CTNNAL1: variants seen among roughly 807,000 people sequenced by gnomAD.
CTNNAL1 encodes alpha-catulin.
A neutral mutation model predicts 93.6 loss-of-function variants in CTNNAL1; 69 were observed. The observed-to-expected ratio is 0.74, with a 90% CI of 0.61 to 0.90. The LOEUF (loss-of-function observed/expected upper bound fraction) is 0.90, where lower values mean the gene tolerates loss of function less well. CTNNAL1 is among the 40% of genes least tolerant of loss of function. The pLI, the probability that CTNNAL1 is intolerant of heterozygous loss-of-function variation, is 0.00. For missense variants in CTNNAL1, 836 were observed against 862.0 expected (o/e 0.97, Z 0.38); for synonymous variants, 286 against 305.4 (o/e 0.94, Z 0.66).
intron 8 of CTNNAL1, among the ~76,000 whole-genome samples, chr9:108,975,469 C>T (rs1166328935): frequency 1.3e-5 from 2 of 152,114 alleles, no homozygotes; most frequent in Non-Finnish European, 2.9e-5. Flanking sequence ...CCTTCTGCCT[C>T]TCAACTTTCT....
chr9:108,960,446 C>A (rs2132110562), intron 11 of CTNNAL1, among the ~76,000 whole-genome samples: 1 of 152,220 alleles, frequency 6.6e-6, no homozygotes, highest in East Asian at 1.9e-4. Flanking sequence ...TCTTCCTGTA[C>A]CCCCATTTTT....
chr9:108,962,248 T>A (rs1040407096), intron 11 of CTNNAL1, among the ~76,000 whole-genome samples: 6 of 152,194 alleles, frequency 3.9e-5, no homozygotes, highest in Admixed American at 1.3e-4. Context: ...TGGAACCCAG[T>A]ACATTCTCAA....
intron 15 of CTNNAL1, 75 bp from the exon 16 acceptor site, chr9:108,944,093 A>C: frequency 7.4e-7 from 1 of 1,347,810 alleles, no homozygotes; most frequent in South Asian, 1.3e-5. Flanking sequence ...CTTACTAATA[A>C]TTTTTACGTA....
At chr9:108,952,758 T>A (rs545744773) in intron 12 of CTNNAL1, among the ~76,000 whole-genome samples, 30 of 152,312 alleles carry the variant, frequency 2.0e-4, no homozygotes, top group African/African-American at 7.0e-4. Context: ...ACAGCTGCTC[T>A]CCTCTTTTCA....
intron 7 of CTNNAL1, chr9:108,977,360 ATC>A (rs28361140): frequency 0.22 from 36,336 of 167,804 alleles, 4,748 homozygotes; most frequent in East Asian, 0.29. Context: ...TCTAAAATTA[ATC>A]TCTTTTATTT....
At chr9:109,005,856 G>A (rs772864487) in intron 1 of CTNNAL1, among the ~76,000 whole-genome samples, 12 of 152,126 alleles carry the variant, frequency 7.9e-5, no homozygotes, top group East Asian at 3.8e-4. Flanking sequence ...CACTAGAAGC[G>A]CCTTCCCCAG....
At chr9:108,981,500 A>G (rs1416186718) in intron 6 of CTNNAL1, among the ~76,000 whole-genome samples, 2 of 151,032 alleles carry the variant, frequency 1.3e-5, no homozygotes, top group East Asian at 3.9e-4. Context: ...AAAAAAAAAC[A>G]GTATATAATT....
intron 14 of CTNNAL1, 21 bp downstream of exon 14, chr9:108,952,188 T>C: frequency 1.9e-6 from 3 of 1,584,706 alleles, no homozygotes; most frequent in Non-Finnish European, 2.6e-6. Flanking sequence ...ATTTAAAAAA[T>C]AAAAATACAA....
chr9:109,013,437 G>A lies in CTNNAL1; in HGVS notation c.6C>T (p.Ala2=). 1.4e-6 allele frequency: 2 copies of A among 1,473,426 alleles called. No homozygotes were observed. The highest frequency in any genetic ancestry group is 2.5e-5 in the Admixed American group (1 of 39,522). The allele number at this position is 1,473,426 out of a possible 1,614,324, so 91.3% of individuals were successfully genotyped here. The change falls in exon 1 of 19, where the codon GCC becomes GCT. Residue 2 remains alanine (A), a synonymous_variant. Transcript: ENST00000325551. M[A]ASPGPAGVGG... is the part of the protein sequence containing the mutation. ...CAACGCCGGCGGGTCCGGGAGAGGC[G>A]GCCATGGCCCTCGGTCTATCCCGCA...
At chr9:109,012,011 T>C (rs1413459416) in intron 1 of CTNNAL1, among the ~76,000 whole-genome samples, 1 of 152,030 alleles carries the variant, frequency 6.6e-6, no homozygotes, top group Non-Finnish European at 1.5e-5. Flanking sequence ...GAGCGGAGGG[T>C]CTGACATTAC....
intron 1 of CTNNAL1, among the ~76,000 whole-genome samples, chr9:109,001,278 A>C (rs917986947): frequency 2.0e-5 from 3 of 152,108 alleles, no homozygotes; most frequent in African/African-American, 4.8e-5. Context: ...TAGTAATTTG[A>C]AGCCATTGAA....
intron 2 of CTNNAL1, 105 bp downstream of exon 2, chr9:108,998,962 A>G: frequency 7.6e-7 from 1 of 1,315,882 alleles, no homozygotes; most frequent in Non-Finnish European, 1.0e-6. Context: ...AGGCAGACAT[A>G]ATCAAAGAGC....
At chr9:108,990,973 T>C (rs570065521) in intron 3 of CTNNAL1, 128 bp from the exon 4 acceptor site, 9 of 1,023,760 alleles carry the variant, frequency 8.8e-6, no homozygotes, top group East Asian at 2.7e-5. Context: ...AGGAGCCAGA[T>C]AGAAGACACA....
chr9:109,007,024 G>A (rs1342475404), intron 1 of CTNNAL1, among the ~76,000 whole-genome samples: 1 of 152,142 alleles, frequency 6.6e-6, no homozygotes, highest in African/African-American at 2.4e-5. Context: ...TTCAAGACCA[G>A]CCTGGCCAAC....
intron 3 of CTNNAL1, 62 bp downstream of exon 3, chr9:108,992,570 A>C: frequency 6.6e-7 from 1 of 1,518,584 alleles, no homozygotes; most frequent in Non-Finnish European, 8.8e-7. Context: ...ACTAAGAGTC[A>C]TAAAAAGCAC....
intron 12 of CTNNAL1, among the ~76,000 whole-genome samples, 159 bp downstream of exon 12, chr9:108,955,631 T>C (rs947388569): frequency 3.9e-5 from 6 of 152,188 alleles, no homozygotes; most frequent in African/African-American, 1.4e-4. Context: ...CACAACTAGA[T>C]TGCTACCCAG....
chr9:108,977,311 G>A (rs1342596401), intron 7 of CTNNAL1: 1 of 215,820 alleles, frequency 4.6e-6, no homozygotes, highest in Non-Finnish European at 9.0e-6. Context: ...ATATTGAAAG[G>A]TGAACTTTTA....
chr9:109,003,155 G>C (rs1449651855), intron 1 of CTNNAL1, among the ~76,000 whole-genome samples: 1 of 152,164 alleles, frequency 6.6e-6, no homozygotes, highest in Non-Finnish European at 1.5e-5. Context: ...TGTTGCTTCA[G>C]ACAACCATTC....
intron 1 of CTNNAL1, among the ~76,000 whole-genome samples, chr9:109,009,637 T>A (rs1288317783): frequency 6.6e-6 from 1 of 152,218 alleles, no homozygotes; most frequent in Non-Finnish European, 1.5e-5. Context: ...GCAGAGCAAG[T>A]CCATCCACCT....
Sources: allele counts gnomAD v4.1 joint callset (sites outside exome capture counted in the v4.1 genomes callset), GRCh38; gene constraint gnomAD v4.1.1; transcripts MANE v1.5; gene names NCBI Gene and HGNC (gene_info 2026-07-23, HGNC 2026-07-21).